The following RPH3A variants were observed in gnomAD, a reference collection of about 807,000 sequenced individuals.
RPH3A encodes rabphilin 3A.
Under a neutral mutation model 102.2 loss-of-function variants are expected in RPH3A, and 48 were observed. The ratio of observed to expected loss-of-function variants is 0.47; its 90% CI spans 0.37 to 0.60. RPH3A has a LOEUF of 0.60. Ranked by LOEUF, RPH3A falls within the 20% of genes least tolerant of loss-of-function variation. The pLI is 0.00. For synonymous variants in RPH3A, 310 were observed against 324.3 expected (o/e 0.96, Z 0.47); for missense variants, 781 against 910.1 (o/e 0.86, Z 1.83).
At chr12:112,735,081 A>G (rs1287798808) in intron 1 of RPH3A, among the ~76,000 whole-genome samples, 2 of 152,214 alleles carry the variant, frequency 1.3e-5, no homozygotes, top group Non-Finnish European at 2.9e-5. Flanking sequence ...AACACCTCTG[A>G]CACAAGCTCC....
intron 1 of RPH3A, among the ~76,000 whole-genome samples, chr12:112,653,977 A>G (rs1437754743): frequency 3.9e-5 from 6 of 152,222 alleles, no homozygotes; most frequent in Admixed American, 3.9e-4. Flanking sequence ...ATTGTTAAAG[A>G]CACATACACT....
At chr12:112,654,172 CT>C (rs2039995035) in intron 1 of RPH3A, among the ~76,000 whole-genome samples, 1 of 152,200 alleles carries the variant, frequency 6.6e-6, no homozygotes, top group Admixed American at 6.5e-5. Context: ...GAAACACGTC[CT>C]GGGGGGTTTG....
chr12:112,682,902 T>A (rs1212529326), intron 1 of RPH3A, among the ~76,000 whole-genome samples: 2 of 152,246 alleles, frequency 1.3e-5, no homozygotes, highest in East Asian at 3.8e-4. Flanking sequence ...CCACTCCTTA[T>A]CTGGCTAGCT....
chr12:112,887,953 G>A lies in RPH3A; in HGVS notation c.1563+30G>A, dbSNP rs200371834. 7.9e-4 allele frequency: 1,277 copies of A among 1,608,800 alleles called. 2 individuals carry two copies. The highest frequency in any genetic ancestry group is 1.3e-3 in the South Asian group (121 of 90,530). On this transcript the variant is annotated intron_variant, in intron 17 of 21. Transcript: ENST00000389385. Reference sequence around the variant, plus strand: ...GTGACTTTACCCTGAGGATCTGATGGGAGGAGGGGAGATTGGGGGAGCTGC... The same window carrying A: ...GTGACTTTACCCTGAGGATCTGATGAGAGGAGGGGAGATTGGGGGAGCTGC...
chr12:112,674,490 T>G (rs2040158701), intron 1 of RPH3A, among the ~76,000 whole-genome samples: 1 of 152,212 alleles, frequency 6.6e-6, no homozygotes, highest in Non-Finnish European at 1.5e-5. Context: ...TATCTGATAA[T>G]GCTGGACCTC....
chr12:112,787,117 C>T (rs1048857615), upstream of RPH3A, among the ~76,000 whole-genome samples: 1 of 152,162 alleles, frequency 6.6e-6, no homozygotes, highest in Non-Finnish European at 1.5e-5. Context: ...CCTCCAGCCT[C>T]CCTCCTATAA....
At chr12:112,761,043 A>G (rs1160891636) in intron 1 of RPH3A, among the ~76,000 whole-genome samples, 1 of 152,114 alleles carries the variant, frequency 6.6e-6, no homozygotes, top group African/African-American at 2.4e-5. Flanking sequence ...AATTAGAGCT[A>G]TGGGTCTCAT....
chr12:112,717,873 A>G (rs1276312419), intron 1 of RPH3A: 1 of 152,008 alleles, frequency 6.6e-6, no homozygotes, highest in Non-Finnish European at 1.5e-5. Flanking sequence ...AGGGTTCTAG[A>G]TGCTTCATGT....
At chr12:112,784,601 T>C (rs1317007999) in intron 1 of RPH3A, among the ~76,000 whole-genome samples, 1 of 152,198 alleles carries the variant, frequency 6.6e-6, no homozygotes, top group Non-Finnish European at 1.5e-5. Context: ...TTATTCGACA[T>C]TGACCAGGCA....
chr12:112,649,211 A>G (rs2039956726), intron 1 of RPH3A, among the ~76,000 whole-genome samples: 1 of 152,228 alleles, frequency 6.6e-6, no homozygotes, highest in East Asian at 1.9e-4. Flanking sequence ...GCTACATTCC[A>G]TTTTATTACC....
In RPH3A at chr12:112,869,739, T is replaced by C; in HGVS notation, c.611-20T>C. On this transcript the variant is annotated intron_variant, in intron 8 of 21. Transcript: ENST00000389385. Reference sequence around the variant, plus strand: ...ACCAGAAAACCAGTACTCCTCATAATTTGTGTTTTCTTTCTCCAGGTGACA... The same window carrying C: ...ACCAGAAAACCAGTACTCCTCATAACTTGTGTTTTCTTTCTCCAGGTGACA... 1 of 1,613,918 alleles carries C rather than the reference T, an allele frequency of 6.2e-7. No homozygotes were observed. Among genetic ancestry groups the C allele is most frequent in the Non-Finnish European group, 8.5e-7 (1 of 1,179,802 alleles).
At chr12:112,612,258 G>T (rs755206295) in intron 1 of RPH3A, among the ~76,000 whole-genome samples, 1 of 152,196 alleles carries the variant, frequency 6.6e-6, no homozygotes, top group Non-Finnish European at 1.5e-5. Flanking sequence ...GAGTCCATGT[G>T]CTTCTTGCTT....
chr12:112,576,908 C>CTTTTTTTTTTTTTT (rs1491257403), intron 1 of RPH3A, among the ~76,000 whole-genome samples: 1 of 89,878 alleles, frequency 1.1e-5, no homozygotes, highest in African/African-American at 6.1e-5. Context: ...TTCTTTTCTT[C>CTTTTTTTTTTTTTT]CTTTTTTTTT....
intron 1 of RPH3A, among the ~76,000 whole-genome samples, chr12:112,644,920 A>T (rs893105571): frequency 6.6e-6 from 1 of 152,228 alleles, no homozygotes; most frequent in Non-Finnish European, 1.5e-5. Flanking sequence ...AAGCAGAATC[A>T]TGCCCTGGGG....
chr12:112,878,830 G>A (rs1284930599), intron 13 of RPH3A, among the ~76,000 whole-genome samples: 2 of 152,230 alleles, frequency 1.3e-5, no homozygotes, highest in African/African-American at 4.8e-5. Context: ...TGGGGACACA[G>A]CAGTCAACAA....
At chr12:112,688,365 G>A (rs2040282563) in intron 1 of RPH3A, among the ~76,000 whole-genome samples, 1 of 152,136 alleles carries the variant, frequency 6.6e-6, no homozygotes, top group South Asian at 2.1e-4. Flanking sequence ...GAGAGACCTA[G>A]CAATCACTGA....
At chr12:112,634,100 G>A (rs1013391144) in intron 1 of RPH3A, among the ~76,000 whole-genome samples, 11 of 152,162 alleles carry the variant, frequency 7.2e-5, no homozygotes, top group African/African-American at 2.2e-4. Flanking sequence ...TGTAAACCCA[G>A]CACTTTGGGA....
At chr12:112,721,912 G>GA (rs960512589) in intron 1 of RPH3A, among the ~76,000 whole-genome samples, 1 of 151,860 alleles carries the variant, frequency 6.6e-6, no homozygotes, top group South Asian at 2.1e-4. Context: ...ATTAACAAAA[G>GA]AAAAAAACCT....
chr12:112,831,103 ATT>A (rs34625027), intron 3 of RPH3A, among the ~76,000 whole-genome samples: 13 of 144,416 alleles, frequency 9.0e-5, no homozygotes, highest in East Asian at 2.0e-4. Flanking sequence ...TGGGCATGGC[ATT>A]TTTTTTTTTT....
Sources: gnomAD v4.1 joint callset for allele counts (sites outside exome capture counted in the v4.1 genomes callset) on GRCh38, gnomAD v4.1.1 for gene constraint, MANE v1.5 for transcripts, NCBI Gene and HGNC (gene_info 2026-07-23, HGNC 2026-07-21) for gene names.